The following TOMM70 variants were observed in gnomAD, a reference collection of about 807,000 sequenced individuals.
The protein encoded by TOMM70 is mitochondrial import receptor subunit TOM70.
Under a neutral mutation model 73.6 loss-of-function variants are expected in TOMM70, and 13 were observed. The observed-to-expected ratio is 0.18, with a 90% CI of 0.11 to 0.28. The LOEUF (loss-of-function observed/expected upper bound fraction) is 0.28. TOMM70 is among the 10% of genes least tolerant of loss of function. The pLI, the probability that TOMM70 is intolerant of heterozygous loss-of-function variation, is 1.00. For missense variants in TOMM70, 609 were observed against 747.5 expected (o/e 0.81, Z 2.16); for synonymous variants, 257 against 271.2 (o/e 0.95, Z 0.51).
rs113756033 is a variant in TOMM70 at position 100,389,878 on chromosome 3, C to G, written c.325-2900G>C. ...CCAACGTGGTGAAACCCTGTCTCTA[C>G]AAAAATAGAAAAATTAGCCAGGATG... On this transcript the variant is annotated intron_variant, in intron 1 of 11. Coordinates refer to ENST00000284320, the MANE Select transcript of TOMM70 (RefSeq NM_014820.5). 6.2e-3 allele frequency among the ~76,000 whole-genome samples: 938 copies of G among 152,038 alleles called. 8 individuals carry two copies. Among genetic ancestry groups the G allele is most frequent in the African/African-American group, 0.021 (876 of 41,456 alleles).
intron 9 of TOMM70, chr3:100,372,311 G>T: frequency 3.9e-6 from 1 of 256,156 alleles, no homozygotes; most frequent in Non-Finnish European, 7.3e-6. Context: ...AATTGCATAC[G>T]GTAAATTTTC....
At chr3:100,381,337 C>T (rs1279858618) in intron 5 of TOMM70, among the ~76,000 whole-genome samples, 3 of 152,218 alleles carry the variant, frequency 2.0e-5, no homozygotes, top group Middle Eastern at 3.4e-3. Flanking sequence ...TGGATTCAAT[C>T]GGAGTCCTTT....
intron 5 of TOMM70, 57 bp from the exon 6 acceptor site, chr3:100,377,969 G>C: frequency 6.7e-7 from 1 of 1,497,432 alleles, no homozygotes; most frequent in Non-Finnish European, 9.2e-7. Context: ...AAATGTGGCT[G>C]GGTGTGGTGG....
intron 1 of TOMM70, among the ~76,000 whole-genome samples, chr3:100,400,311 C>T (rs774971613): frequency 1.3e-5 from 2 of 152,128 alleles, no homozygotes; most frequent in African/African-American, 2.4e-5. Flanking sequence ...GCTTCCTTCA[C>T]TTATTAAATA....
intron 1 of TOMM70, among the ~76,000 whole-genome samples, chr3:100,387,957 CTCTAAGTA>C (rs908202865): frequency 1.3e-5 from 2 of 152,158 alleles, no homozygotes; most frequent in African/African-American, 2.4e-5. Flanking sequence ...TTCTAGGAAG[CTCTAAGTA>C]TCTAAGATCA....
intron 1 of TOMM70, among the ~76,000 whole-genome samples, chr3:100,388,899 G>A (rs528230972): frequency 6.6e-6 from 1 of 152,120 alleles, no homozygotes; most frequent in African/African-American, 2.4e-5. Flanking sequence ...GTAGAGAATG[G>A]GGGAAACCTG....
rs1235717418 is a variant in TOMM70, at chr3:100,381,903, G to A, written c.736-140C>T. 13 of 852,486 alleles carry A rather than the reference G, an allele frequency of 1.5e-5. No individual in the cohort carries two copies. In the African/African-American group the frequency reaches 2.1e-4, roughly 14 times the overall value. 52.8% of individuals were successfully genotyped at this position (852,486 alleles called of 1,614,324 possible). A position where few individuals can be genotyped will look rare whatever the true frequency, so the allele number is the denominator to read the frequency against. ...AACTAAAATTAAGCTCCAAGCCACA[G>A]AACAAAAGACAGTGGAAAAGGTGAA... On this transcript the variant is annotated intron_variant, in intron 4 of 11. Transcript: ENST00000284320.
At chr3:100,397,701 G>C (rs994108845) in intron 1 of TOMM70, among the ~76,000 whole-genome samples, 10 of 151,738 alleles carry the variant, frequency 6.6e-5, no homozygotes, top group Non-Finnish European at 1.5e-4. Context: ...CCAGCCTGGC[G>C]AACATGGTGA....
intron 1 of TOMM70, among the ~76,000 whole-genome samples, chr3:100,399,351 C>G (rs1431570748): frequency 6.6e-6 from 1 of 151,972 alleles, no homozygotes; most frequent in Non-Finnish European, 1.5e-5. Context: ...AGTGTATACA[C>G]TTGGATACAA....
Position 100,399,144 on chromosome 3 carries a change from T to C in TOMM70, c.324+1482A>G, listed in dbSNP as rs113502157. 8.9e-4 allele frequency among the ~76,000 whole-genome samples: 136 copies of C among 152,068 alleles called. No individual in the cohort carries two copies. In the Middle Eastern group the frequency reaches 0.01, roughly 11 times the overall value. On this transcript the variant is annotated intron_variant, in intron 1 of 11. Coordinates refer to ENST00000284320, the MANE Select transcript of TOMM70 (RefSeq NM_014820.5). The stretch of plus-strand genomic sequence containing the variant: ...TAAAAATACAAAAATTAGCGGGGCA[T>C]GGTGGCGCGCGCCTGTAGTCCCAGC...
intron 5 of TOMM70, among the ~76,000 whole-genome samples, chr3:100,379,827 C>T (rs1706609988): frequency 6.6e-6 from 1 of 152,220 alleles, no homozygotes; most frequent in East Asian, 1.9e-4. Flanking sequence ...CCATGTTGCC[C>T]AGGCTAGTCT....
At chr3:100,384,150 T>C (rs1429678085) in intron 4 of TOMM70, among the ~76,000 whole-genome samples, 1 of 152,232 alleles carries the variant, frequency 6.6e-6, no homozygotes, top group East Asian at 1.9e-4. Context: ...TCCGCTGTTG[T>C]ATCTCAAAGG....
intron 5 of TOMM70, among the ~76,000 whole-genome samples, chr3:100,380,434 T>C (rs1445560502): frequency 6.6e-6 from 1 of 152,192 alleles, no homozygotes; most frequent in Non-Finnish European, 1.5e-5. Flanking sequence ...GCTAGTTATT[T>C]ATAAGCATGA....
rs750892243 is a variant in TOMM70 at position 100,384,483 on chromosome 3, T to C, written c.731A>G (p.Tyr244Cys). ...CCCCAAATCAGATCAATTTACCTTA[T>C]ATTTTTCTTTGGCTTTCTCTTTTCC... ...LLGKEKAKEK[Y>C]KNREPLMPSP... Residue 244 changes from tyrosine (Y) to cysteine (C), a missense_variant, in exon 4 of 12, where the codon TAT (tyrosine) becomes TGT (cysteine). By Grantham distance (194) the Tyr-to-Cys change is radical. Transcript: ENST00000284320. 4.4e-6 allele frequency: 7 copies of C among 1,602,436 alleles called. No individual in the cohort carries two copies. The highest frequency in any genetic ancestry group is 1.7e-4 in the Middle Eastern group (1 of 5,984).
At chr3:100,393,240 T>C (rs929587985) in intron 1 of TOMM70, among the ~76,000 whole-genome samples, 3 of 149,486 alleles carry the variant, frequency 2.0e-5, no homozygotes, top group African/African-American at 7.4e-5. Context: ...GTAGTATATA[T>C]ACCCATGGAA....
At chr3:100,371,874 C>G (rs1167367003) in intron 9 of TOMM70, 1 of 152,176 alleles carries the variant, frequency 6.6e-6, no homozygotes, top group African/African-American at 2.4e-5. Context: ...GTGATGCTTG[C>G]CCAAGGCTCA....
At chr3:100,387,538 G>A (rs1025180709) in intron 1 of TOMM70, among the ~76,000 whole-genome samples, 5 of 150,818 alleles carry the variant, frequency 3.3e-5, no homozygotes, top group African/African-American at 1.2e-4. Context: ...CCATGTTCTA[G>A]GCAGATGGGA....
chr3:100,392,013 A>G (rs562264318), intron 1 of TOMM70, among the ~76,000 whole-genome samples: 1 of 152,164 alleles, frequency 6.6e-6, no homozygotes, highest in Non-Finnish European at 1.5e-5. Context: ...TTCTATGTTT[A>G]GGTACCCAAA....
At chr3:100,380,215 T>G (rs1195582968) in intron 5 of TOMM70, among the ~76,000 whole-genome samples, 1 of 152,022 alleles carries the variant, frequency 6.6e-6, no homozygotes, top group Non-Finnish European at 1.5e-5. Context: ...CGTCGTGGCA[T>G]GAGCCTGTAA....
Sources: gnomAD v4.1 joint callset for allele counts (sites outside exome capture counted in the v4.1 genomes callset) on GRCh38, gnomAD v4.1.1 for gene constraint, MANE v1.5 for transcripts, NCBI Gene and HGNC (gene_info 2026-07-23, HGNC 2026-07-21) for gene names.